Variants in LHFPL3 observed in about 807,000 individuals in gnomAD.
The protein encoded by LHFPL3 is LHFPL tetraspan subfamily member 3.
A neutral mutation model predicts 19.3 loss-of-function variants in LHFPL3; 5 were observed. That is an observed-to-expected ratio of 0.26 (90% CI 0.14 to 0.54). LHFPL3 has a LOEUF of 0.54. Among genes scored for constraint, LHFPL3 ranks in the 20% least tolerant of loss-of-function variants. The pLI, the probability that LHFPL3 is intolerant of heterozygous loss-of-function variation, is 0.94. For missense variants in LHFPL3, 249 were observed against 307.4 expected (o/e 0.81, Z 1.42); for synonymous variants, 133 against 126.2 (o/e 1.05, Z -0.36).
intron 2 of LHFPL3, among the ~76,000 whole-genome samples, chr7:104,870,266 A>T (rs1435381858): frequency 2.0e-5 from 3 of 152,206 alleles, no homozygotes; most frequent in Non-Finnish European, 2.9e-5. Context: ...ACTTCTGTAC[A>T]AAAGACAGCA....
intron 1 of LHFPL3, among the ~76,000 whole-genome samples, chr7:104,613,258 T>C (rs1194402447): frequency 1.3e-5 from 2 of 152,182 alleles, no homozygotes; most frequent in African/African-American, 4.8e-5. Flanking sequence ...TGCCAGAGCC[T>C]CAGAACTCTT....
At chr7:104,679,387 C>A (rs1457807735) in intron 1 of LHFPL3, among the ~76,000 whole-genome samples, 1 of 152,246 alleles carries the variant, frequency 6.6e-6, no homozygotes, top group Non-Finnish European at 1.5e-5. Context: ...ACCCATACTT[C>A]CACCTTGTTC....
chr7:104,623,803 C>A (rs1190018664), intron 1 of LHFPL3, among the ~76,000 whole-genome samples: 1 of 152,202 alleles, frequency 6.6e-6, no homozygotes, highest in Non-Finnish European at 1.5e-5. Flanking sequence ...GCATTAACTG[C>A]CAGCCATAGG....
At chr7:104,526,887 T>A (rs1156368) in intron 1 of LHFPL3, among the ~76,000 whole-genome samples, 84,168 of 152,032 alleles carry the variant, frequency 0.55, 23,463 homozygotes, top group Middle Eastern at 0.64. Flanking sequence ...GCCCATATGG[T>A]GCATACACTC....
At chr7:104,874,577 GTATTT>G (rs1312992150) in intron 2 of LHFPL3, among the ~76,000 whole-genome samples, 1 of 151,828 alleles carries the variant, frequency 6.6e-6, no homozygotes, top group African/African-American at 2.4e-5. Flanking sequence ...TGTATTTTTT[GTATTT>G]TATATTTTTA....
chr7:104,721,597 A>C (rs1406632940), intron 1 of LHFPL3, among the ~76,000 whole-genome samples: 1 of 152,124 alleles, frequency 6.6e-6, no homozygotes, highest in Non-Finnish European at 1.5e-5. Flanking sequence ...AGTAGAACAC[A>C]TGCTTTGCGT....
chr7:104,846,646 G>A (rs1019658705), intron 2 of LHFPL3, among the ~76,000 whole-genome samples: 1 of 152,172 alleles, frequency 6.6e-6, no homozygotes, highest in Admixed American at 6.5e-5. Context: ...TCCCATCAAA[G>A]CATCTTTTTG....
chr7:104,465,192 C>A (rs1258391052), intron 1 of LHFPL3, among the ~76,000 whole-genome samples: 2 of 152,168 alleles, frequency 1.3e-5, no homozygotes, highest in African/African-American at 4.8e-5. Context: ...GTCCATATCA[C>A]CATTTTGTCC....
At chr7:104,820,922 G>A (rs1449124684) in intron 2 of LHFPL3, among the ~76,000 whole-genome samples, 1 of 152,028 alleles carries the variant, frequency 6.6e-6, no homozygotes, top group Non-Finnish European at 1.5e-5. Flanking sequence ...TCTAGGATTG[G>A]GTCCCAGACA....
chr7:104,832,870 A>G (rs1280348382), intron 2 of LHFPL3, among the ~76,000 whole-genome samples: 1 of 143,058 alleles, frequency 7.0e-6, no homozygotes, highest in Non-Finnish European at 1.5e-5. Flanking sequence ...TCAGCTCCTC[A>G]GGGGGCTGAG....
chr7:104,615,418 T>C (rs993867367), intron 1 of LHFPL3, among the ~76,000 whole-genome samples: 2 of 152,220 alleles, frequency 1.3e-5, no homozygotes, highest in Non-Finnish European at 2.9e-5. Context: ...ATCTCTCAAG[T>C]CTAGCCTTAG....
intron 1 of LHFPL3, among the ~76,000 whole-genome samples, chr7:104,556,323 G>A (rs1035519548): frequency 2.6e-5 from 4 of 152,178 alleles, no homozygotes; most frequent in Non-Finnish European, 5.9e-5. Flanking sequence ...ACTCTGCCTG[G>A]GCATCCAGGT....
In LHFPL3 at chr7:104,871,727, C is replaced by T. The variant is rs192923513; in HGVS notation, c.683-34460C>T. On this transcript the variant is annotated intron_variant, in intron 2 of 2. Transcript: ENST00000424859. ...AGGCTGGAGTGCAATGGCTCAGTCT[C>T]GGTTCACTGCAACCTCCACCTCCCA... 5.8e-3 allele frequency among the ~76,000 whole-genome samples: 888 copies of T among 152,142 alleles called. 7 individuals carry two copies. Among genetic ancestry groups the T allele is most frequent in the Middle Eastern group, 0.01 (3 of 292 alleles).
intron 1 of LHFPL3, among the ~76,000 whole-genome samples, chr7:104,614,719 C>A (rs1392585654): frequency 3.7e-5 from 5 of 134,448 alleles, no homozygotes; most frequent in African/African-American, 1.1e-4. Flanking sequence ...TTCTTTCTTT[C>A]TTTCTTTCTT....
intron 1 of LHFPL3, among the ~76,000 whole-genome samples, chr7:104,522,551 TAAAG>T (rs1794091678): frequency 1.3e-5 from 2 of 151,918 alleles, no homozygotes; most frequent in Admixed American, 6.6e-5. Flanking sequence ...AAAAAAAGAA[TAAAG>T]AAAATTAGTG....
intron 1 of LHFPL3, among the ~76,000 whole-genome samples, chr7:104,591,475 G>T (rs186659515): frequency 8.1e-4 from 123 of 152,310 alleles, no homozygotes; most frequent in African/African-American, 2.9e-3. Context: ...CGTTTCTGCT[G>T]AGAGATCTGC....
At chr7:104,517,594 C>T (rs1793945999) in intron 1 of LHFPL3, among the ~76,000 whole-genome samples, 2 of 150,658 alleles carry the variant, frequency 1.3e-5, no homozygotes, top group East Asian at 3.9e-4. Flanking sequence ...GCACCCTCTG[C>T]CTCCCAGGTT....
At chr7:104,657,521 T>G (rs538059687) in intron 1 of LHFPL3, among the ~76,000 whole-genome samples, 1 of 152,380 alleles carries the variant, frequency 6.6e-6, no homozygotes, top group African/African-American at 2.4e-5. Flanking sequence ...GCCTAATATG[T>G]GTAGAGATTG....
intron 1 of LHFPL3, among the ~76,000 whole-genome samples, chr7:104,644,254 G>T (rs1791888151): frequency 6.6e-6 from 1 of 152,098 alleles, no homozygotes; most frequent in African/African-American, 2.4e-5. Context: ...CGATCCCATG[G>T]CTATAGGTGC....
Sources: gnomAD v4.1 joint callset for allele counts (sites outside exome capture counted in the v4.1 genomes callset) on GRCh38, gnomAD v4.1.1 for gene constraint, MANE v1.5 for transcripts, NCBI Gene and HGNC (gene_info 2026-07-23, HGNC 2026-07-21) for gene names.